RAB20: variants seen among roughly 807,000 people sequenced by gnomAD.
RAB20 encodes the protein RAB20, member RAS oncogene family, also known as ras-related protein Rab-20.
Under a neutral mutation model 3.7 loss-of-function variants are expected in RAB20, and 2 were observed. The ratio of observed to expected loss-of-function variants is 0.54; its 90% CI spans 0.22 to 1.69. The LOEUF is 1.69. Among genes scored for constraint, RAB20 ranks in the 40% most tolerant of loss-of-function variants. The pLI, the probability that RAB20 is intolerant of heterozygous loss-of-function variation, is 0.19. For missense variants in RAB20, 276 were observed against 311.9 expected (o/e 0.88, Z 0.87); for synonymous variants, 126 against 130.8 (o/e 0.96, Z 0.25).
chr13:110,532,980 G>A lies in RAB20; in HGVS notation c.173-8783C>T, dbSNP rs115366524. On this transcript the variant is annotated intron_variant, in intron 1 of 1. Coordinates refer to ENST00000267328, the MANE Select transcript of RAB20 (RefSeq NM_017817.3). The stretch of plus-strand genomic sequence containing the variant: ...ACAGGCATGAGCCACTGTGCCCAGC[G>A]GAGAACAGAAACTTTTAAGATGAGT... 3.5e-3 allele frequency among the ~76,000 whole-genome samples: 540 copies of A among 152,278 alleles called. 3 individuals carry two copies. Among genetic ancestry groups the A allele is most frequent in the African/African-American group, 0.012 (506 of 41,568 alleles).
chr13:110,536,986 G>GTTTTTTT (rs147636207), intron 1 of RAB20, among the ~76,000 whole-genome samples: 188 of 109,552 alleles, frequency 1.7e-3, no homozygotes, highest in African/African-American at 6.7e-3. Flanking sequence ...GTGTCCAAGT[G>GTTTTTTT]TTTTTTTTTG....
chr13:110,523,403 A>T lies in RAB20; in HGVS notation c.*262T>A. On this transcript the variant is annotated 3_prime_UTR_variant, in exon 2 of 2. Coordinates refer to ENST00000267328, the MANE Select transcript of RAB20 (RefSeq NM_017817.3). ...ACCAGTGCCAGGCAGCGGGGCAGAG[A>T]GCACCAGGGGTCTCGACTCTGCAGA... 1 of 664,436 alleles carries T rather than the reference A, an allele frequency of 1.5e-6. No individual in the cohort carries two copies. The highest frequency in any genetic ancestry group is 2.4e-6 in the Non-Finnish European group (1 of 410,252). 41.2% of individuals were successfully genotyped at this position (664,436 alleles called of 1,614,324 possible). A position where few individuals can be genotyped will look rare whatever the true frequency, so the allele number is the denominator to read the frequency against.
intron 1 of RAB20, among the ~76,000 whole-genome samples, chr13:110,541,590 C>T (rs1032552795): frequency 1.3e-5 from 2 of 152,328 alleles, no homozygotes; most frequent in Non-Finnish European, 2.9e-5. Context: ...TCTGACTTCT[C>T]ATTTTTCAGG....
intron 1 of RAB20, among the ~76,000 whole-genome samples, chr13:110,550,650 T>C (rs1393463792): frequency 6.6e-6 from 1 of 152,054 alleles, no homozygotes; most frequent in Admixed American, 6.6e-5. Flanking sequence ...GAGGAAAAAC[T>C]CGGGTTTAGA....
At chr13:110,527,900 T>TAAACAC (rs1398743171) in intron 1 of RAB20, among the ~76,000 whole-genome samples, 9 of 138,124 alleles carry the variant, frequency 6.5e-5, no homozygotes, top group African/African-American at 2.5e-4. Flanking sequence ...TCTCTACAAA[T>TAAACAC]ACACACACAC....
Position 110,523,969 on chromosome 13 carries a change from T to C in RAB20, c.401A>G (p.Asn134Ser), listed in dbSNP as rs426453. ...GGAGACACGGTCCCCAGCGTCCATA[T>C]TGGGACTGCACTCTTCCTTCTCCTG... ...AGQEKEECSP[N>S]MDAGDRVSPR... Residue 134 changes from asparagine to serine, a missense_variant, in exon 2 of 2, where the codon AAT becomes AGT. Coordinates refer to ENST00000267328, the MANE Select transcript of RAB20 (RefSeq NM_017817.3). 8.4e-3 allele frequency: 13,592 copies of C among 1,614,134 alleles called. 783 individuals carry two copies. The African/African-American group carries it at 0.14, about 16-fold the overall frequency.
chr13:110,538,688 C>G (rs1884699436), intron 1 of RAB20, among the ~76,000 whole-genome samples: 1 of 151,496 alleles, frequency 6.6e-6, no homozygotes, highest in Non-Finnish European at 1.5e-5. Context: ...AGCTATGCAT[C>G]AAGAGCAAAA....
Position 110,523,920 on chromosome 13 carries a change from C to T in RAB20, c.450G>A (p.Gln150=), listed in dbSNP as rs1227503164. The T allele has an allele frequency of 6.2e-7, 1 of 1,614,234 alleles. No individual in the cohort carries two copies. The highest frequency in any genetic ancestry group is 1.1e-5 in the South Asian group (1 of 91,086). ...TATAAAGGGCCACCGCATCCTCCAG[C>T]TGCACCTGCTTAGGTGCCCTTGGGG... ...RVSPRAPKQV[Q]LEDAVALYKK... is the part of the protein sequence containing the mutation. The change falls in exon 2 of 2, where the codon CAG becomes CAA. Residue 150 remains glutamine, a synonymous_variant. Transcript: ENST00000267328.
intron 1 of RAB20, among the ~76,000 whole-genome samples, chr13:110,525,137 A>G (rs1201510382): frequency 2.0e-5 from 3 of 152,184 alleles, no homozygotes; most frequent in African/African-American, 7.2e-5. Context: ...CCGTGCCCCC[A>G]GCACTTCAGC....
Position 110,534,281 on chromosome 13 carries a change from G to A in RAB20, c.173-10084C>T, listed in dbSNP as rs148677421. Among the ~76,000 whole-genome samples, 331 of 152,318 alleles carry A rather than the reference G, an allele frequency of 2.2e-3. 2 individuals carry two copies. The highest frequency in any genetic ancestry group is 7.5e-3 in the African/African-American group (313 of 41,578). On this transcript the variant is annotated intron_variant, in intron 1 of 1. Transcript: ENST00000267328. ...CCTGAGCTCACACACCCTCTGTCAGGTCTGTTTCTCTGGGGAAGCCTGGCT... is the reference window on the plus strand; with the variant it reads ...CCTGAGCTCACACACCCTCTGTCAGATCTGTTTCTCTGGGGAAGCCTGGCT...
intron 1 of RAB20, among the ~76,000 whole-genome samples, chr13:110,560,783 A>C (rs775408772): frequency 2.5e-4 from 38 of 151,910 alleles, no homozygotes; most frequent in Non-Finnish European, 4.7e-4. Context: ...ACCCAAACCC[A>C]TATGACGTAT....
intron 1 of RAB20, among the ~76,000 whole-genome samples, chr13:110,529,540 A>G (rs1398720516): frequency 1.3e-5 from 2 of 152,214 alleles, no homozygotes; most frequent in African/African-American, 4.8e-5. Flanking sequence ...AATTCTGGGG[A>G]TGCCAGAGCC....
intron 1 of RAB20, among the ~76,000 whole-genome samples, chr13:110,552,394 TTAA>T (rs1884968075): frequency 9.2e-6 from 1 of 108,708 alleles, no homozygotes; most frequent in African/African-American, 3.6e-5. Context: ...AAAAAAAAAA[TTAA>T]AAATAAATAA....
At chr13:110,528,413 C>CAAAAAAAA (rs11386477) in intron 1 of RAB20, among the ~76,000 whole-genome samples, 1 of 122,430 alleles carries the variant, frequency 8.2e-6, no homozygotes, top group African/African-American at 3.1e-5. Flanking sequence ...AACTCCATCT[C>CAAAAAAAA]AAAAAAAAAA....
chr13:110,559,685 C>T (rs1885099936), intron 1 of RAB20, among the ~76,000 whole-genome samples: 1 of 152,204 alleles, frequency 6.6e-6, no homozygotes, highest in Non-Finnish European at 1.5e-5. Flanking sequence ...AGCTGCTGCC[C>T]CCCAGTAACG....
intron 1 of RAB20, among the ~76,000 whole-genome samples, chr13:110,560,988 G>A (rs1046421113): frequency 2.0e-5 from 3 of 152,188 alleles, no homozygotes; most frequent in Non-Finnish European, 2.9e-5. Flanking sequence ...AATCTCAAAG[G>A]ATATCATGTT....
At chr13:110,550,435 A>C (rs1884933778) in intron 1 of RAB20, among the ~76,000 whole-genome samples, 1 of 152,166 alleles carries the variant, frequency 6.6e-6, no homozygotes, top group Non-Finnish European at 1.5e-5. Flanking sequence ...AGATGCCTGG[A>C]ATTGCAACTA....
At chr13:110,559,474 C>T (rs979747363) in intron 1 of RAB20, among the ~76,000 whole-genome samples, 11 of 152,020 alleles carry the variant, frequency 7.2e-5, no homozygotes, top group Non-Finnish European at 1.3e-4. Flanking sequence ...TTCAAGTACC[C>T]GGTCAGGCCA....
intron 1 of RAB20, among the ~76,000 whole-genome samples, chr13:110,548,510 T>C (rs1012085640): frequency 7.5e-6 from 1 of 132,466 alleles, no homozygotes; most frequent in African/African-American, 2.7e-5. Context: ...AAAAAAAAAC[T>C]CTTGTCATTC....
Sources: gnomAD v4.1 joint callset for allele counts (sites outside exome capture counted in the v4.1 genomes callset) on GRCh38, gnomAD v4.1.1 for gene constraint, MANE v1.5 for transcripts, NCBI Gene and HGNC (gene_info 2026-07-23, HGNC 2026-07-21) for gene names.